The following PCDHGB2 variants were observed in gnomAD, a reference collection of about 807,000 sequenced individuals.
PCDHGB2 encodes the protein protocadherin gamma-B2.
Under a neutral mutation model 59.3 loss-of-function variants are expected in PCDHGB2, and 55 were observed. The ratio of observed to expected loss-of-function variants is 0.93; its 90% CI spans 0.75 to 1.16. The LOEUF (loss-of-function observed/expected upper bound fraction) is 1.16. Among genes scored for constraint, PCDHGB2 ranks in the 50% most tolerant of loss-of-function variants. PCDHGB2 has a pLI of 0.00. For missense variants in PCDHGB2, 1,228 were observed against 1,198.5 expected, an observed-to-expected ratio of 1.02 and a Z score of -0.36; for synonymous variants, 516 against 512.0, an observed-to-expected ratio of 1.01 and a Z score of -0.11.
rs780665474 is a variant in PCDHGB2 at position 141,371,288 on chromosome 5, G to C, written c.2421+8732G>C. The C allele has an allele frequency of 2.5e-6, 4 of 1,613,874 alleles. No homozygotes were observed. The East Asian group carries it at 6.7e-5, about 27-fold the overall frequency. ...AACTGTTCAAGCTGGACAGTAAAAC[G>C]GGGGAACTCACCACTATTGGAGAAC... On this transcript the variant is annotated intron_variant, in intron 1 of 3. Transcript: ENST00000522605.
At chr5:141,415,791 C>G (rs2095959265) in intron 1 of PCDHGB2, 4 of 1,341,886 alleles carry the variant, frequency 3.0e-6, no homozygotes, top group Admixed American at 8.1e-5. Context: ...GTAAAATTCA[C>G]CTAGTCTCAA....
chr5:141,384,622 A>G (rs1360248889), intron 1 of PCDHGB2: 1 of 1,614,218 alleles, frequency 6.2e-7, no homozygotes, highest in East Asian at 2.2e-5. Context: ...TTCTACTGGC[A>G]TGGAGCTGGC....
In PCDHGB2 at chr5:141,361,287, C is replaced by A. The variant is rs762239978; in HGVS notation, c.1152C>A (p.Cys384Ter). 1 of 1,613,944 alleles carries A rather than the reference C, an allele frequency of 6.2e-7. No homozygotes were observed. The highest frequency in any genetic ancestry group is 1.1e-5 in the South Asian group (1 of 91,082). The change falls in exon 1 of 4, where the codon TGC becomes TGA. Residue 384 changes from cysteine to a stop codon, truncating the protein, a stop_gained. Transcript: ENST00000522605. LOFTEE classifies it high-confidence loss of function. ...CTGGAGAAAATGGAGAAGTTTACTG[C>A]CAAGTGTTGGGAAATGCCAAGTTTA... ...RDSGENGEVYCQVLGNAKFIL... is the reference protein window; with the variant it reads ...RDSGENGEVY
intron 1 of PCDHGB2, among the ~76,000 whole-genome samples, chr5:141,442,926 T>C (rs2098353621): frequency 6.6e-6 from 1 of 152,240 alleles, no homozygotes; most frequent in African/African-American, 2.4e-5. Flanking sequence ...TGTTTCATTT[T>C]CTATTTAAGA....
At chr5:141,389,957 G>C in intron 1 of PCDHGB2, 2 of 1,614,080 alleles carry the variant, frequency 1.2e-6, no homozygotes, top group Non-Finnish European at 1.7e-6. Flanking sequence ...TTTACCTAGT[G>C]GTGGCCTTGG....
At chr5:141,364,576 C>T (rs1420937059) in intron 1 of PCDHGB2, 1 of 1,614,210 alleles carries the variant, frequency 6.2e-7, no homozygotes. Flanking sequence ...CGCGAAGCGG[C>T]AGCTTGGTCA....
At chr5:141,403,179 C>T (rs1341077920) in intron 1 of PCDHGB2, 1 of 1,614,000 alleles carries the variant, frequency 6.2e-7, no homozygotes, top group Admixed American at 1.7e-5. Flanking sequence ...CAGCTTTTCT[C>T]TCTGAACCCG....
chr5:141,372,087 C>G, intron 1 of PCDHGB2: 2 of 1,613,740 alleles, frequency 1.2e-6, no homozygotes, highest in Non-Finnish European at 1.7e-6. Flanking sequence ...GGTGCTGTAC[C>G]CAGCTCTGGG....
chr5:141,417,792 T>C, intron 1 of PCDHGB2: 1 of 1,483,216 alleles, frequency 6.7e-7, no homozygotes, highest in South Asian at 1.4e-5. Flanking sequence ...CCGAATGCTC[T>C]TTTAGCGCGG....
chr5:141,410,420 C>T (rs1426515605), intron 1 of PCDHGB2: 4 of 1,613,926 alleles, frequency 2.5e-6, no homozygotes, highest in Non-Finnish European at 3.4e-6. Flanking sequence ...ACCTGTAGTT[C>T]CCCCCAACTA....
intron 3 of PCDHGB2, among the ~76,000 whole-genome samples, chr5:141,510,329 A>T (rs1433056614): frequency 2.7e-5 from 4 of 150,230 alleles, no homozygotes; most frequent in Admixed American, 2.7e-4. Flanking sequence ...AGCACTCTTC[A>T]CCCCCACCCC....
At chr5:141,420,077 C>A (rs760626443) in intron 1 of PCDHGB2, 1 of 1,613,900 alleles carries the variant, frequency 6.2e-7, no homozygotes, top group Non-Finnish European at 8.5e-7. Context: ...ACCTGTGGGT[C>A]CCCCCAACTA....
Position 141,491,401 on chromosome 5 carries a change from G to A in PCDHGB2, c.2422-3406G>A. The A allele has an allele frequency of 6.2e-7, 1 of 1,614,100 alleles. No homozygotes were observed. ...GTCAGCGAAGTGCCTTCAGGGAAAC[G>A]CAGACGGGGACGGGGGTGGAGGGCA... On this transcript the variant is annotated intron_variant, in intron 1 of 3. Transcript: ENST00000522605. This position sits in a 1 kb window ranked among gnomAD's most constrained non-coding sequence, Gnocchi z 6.9.
At chr5:141,405,130 G>A in intron 1 of PCDHGB2, 1 of 1,614,012 alleles carries the variant, frequency 6.2e-7, no homozygotes, top group South Asian at 1.1e-5. Flanking sequence ...ATCTGCTGCG[G>A]GCTACCAGTG....
Position 141,485,784 on chromosome 5 carries a change from A to G in PCDHGB2, c.2422-9023A>G, listed in dbSNP as rs760859851. The G allele has an allele frequency of 1.9e-6, 3 of 1,614,096 alleles. No individual in the cohort carries two copies. The African/African-American group carries it at 4.0e-5, about 22-fold the overall frequency. On this transcript the variant is annotated intron_variant, in intron 1 of 3. Transcript: ENST00000522605. This position sits in a 1 kb window ranked among gnomAD's most constrained non-coding sequence, Gnocchi z 5.7. Reference sequence around the variant, plus strand: ...CTGGAGAAGCCTTTGGATCGAGAGAAGCAATCGGACTACCGCCTGGTGCTG... The same window carrying G: ...CTGGAGAAGCCTTTGGATCGAGAGAGGCAATCGGACTACCGCCTGGTGCTG...
intron 1 of PCDHGB2, chr5:141,418,857 T>G (rs1378155402): frequency 6.2e-7 from 1 of 1,613,988 alleles, no homozygotes; most frequent in South Asian, 1.1e-5. Context: ...CGGTGTAAAG[T>G]AATTGTAGAA....
chr5:141,370,601 T>G, intron 1 of PCDHGB2: 2 of 1,614,004 alleles, frequency 1.2e-6, no homozygotes, highest in Non-Finnish European at 1.7e-6. Context: ...TGCGGGTTAT[T>G]GCAGAGAAGA....
At chr5:141,403,211 G>A (rs1253134514) in intron 1 of PCDHGB2, 2 of 1,613,856 alleles carry the variant, frequency 1.2e-6, no homozygotes, top group Non-Finnish European at 1.7e-6. Flanking sequence ...CTTGGTCACC[G>A]CGGGTAGGAT....
At chr5:141,470,602 G>A (rs1004044883) in intron 1 of PCDHGB2, among the ~76,000 whole-genome samples, 1 of 152,268 alleles carries the variant, frequency 6.6e-6, no homozygotes, top group South Asian at 2.1e-4. Flanking sequence ...ACCTGTGCGG[G>A]GACACAGGGC....
Sources: allele counts gnomAD v4.1 joint callset (sites outside exome capture counted in the v4.1 genomes callset), GRCh38; gene constraint gnomAD v4.1.1; non-coding constraint Gnocchi (gnomAD v3.1); transcripts MANE v1.5; gene names NCBI Gene and HGNC (gene_info 2026-07-23, HGNC 2026-07-21).